The following MCF2L2 variants were observed in gnomAD, a reference collection of about 807,000 sequenced individuals.
MCF2L2 encodes MCF.2 cell line derived transforming sequence-like 2.
MCF2L2 carries 102 observed loss-of-function variants against 150.2 expected under a neutral mutation model. The observed-to-expected ratio is 0.68, with a 90% CI of 0.58 to 0.80. The LOEUF is 0.80. Ranked by LOEUF, MCF2L2 falls within the 30% of genes least tolerant of loss-of-function variation. The pLI is 0.00. For synonymous variants in MCF2L2, 465 were observed against 491.3 expected, an observed-to-expected ratio of 0.95 and a Z score of 0.71; for missense variants, 1,256 against 1,372.8, an observed-to-expected ratio of 0.91 and a Z score of 1.34.
chr3:183,360,963 G>GAA (rs1340713811), intron 3 of MCF2L2, among the ~76,000 whole-genome samples: 1 of 37,686 alleles, frequency 2.7e-5, no homozygotes, highest in African/African-American at 2.0e-4. Flanking sequence ...ACTCAGAAAA[G>GAA]AAAAGAAAAG....
chr3:183,423,333 T>C (rs16857448), intron 1 of MCF2L2, among the ~76,000 whole-genome samples: 23,045 of 152,164 alleles, frequency 0.15, 2,652 homozygotes, highest in African/African-American at 0.33. Flanking sequence ...GTTATCAATG[T>C]TGACTGTGTC....
At chr3:183,298,799 C>T (rs1045514884) in intron 11 of MCF2L2, 3 of 113,998 alleles carry the variant, frequency 2.6e-5, no homozygotes, top group African/African-American at 1.1e-4. Flanking sequence ...ACACACCAGG[C>T]TTATAATCTC....
At chr3:183,365,700 A>C (rs1473680528) in intron 3 of MCF2L2, among the ~76,000 whole-genome samples, 1 of 152,204 alleles carries the variant, frequency 6.6e-6, no homozygotes, top group African/African-American at 2.4e-5. Context: ...AGATTTAGGA[A>C]AGCTTTCTAA....
chr3:183,339,714 T>C (rs923390436), intron 4 of MCF2L2, among the ~76,000 whole-genome samples: 6 of 152,218 alleles, frequency 3.9e-5, no homozygotes, highest in African/African-American at 1.2e-4. Context: ...GAAACTGCCA[T>C]GGCTTTCCAT....
intron 6 of MCF2L2, among the ~76,000 whole-genome samples, chr3:183,320,733 AT>A (rs1477185661): frequency 6.6e-5 from 10 of 152,164 alleles, no homozygotes; most frequent in African/African-American, 1.2e-4. Context: ...CTGGAGTAGC[AT>A]TTTTAGTTTC....
intron 7 of MCF2L2, among the ~76,000 whole-genome samples, chr3:183,315,326 C>T (rs1366123658): frequency 3.9e-5 from 6 of 152,054 alleles, no homozygotes; most frequent in Non-Finnish European, 8.8e-5. Context: ...TATTCTTAAT[C>T]GAGGTAAACA....
chr3:183,192,851 T>C (rs979205944), intron 27 of MCF2L2, 148 bp downstream of exon 27: 1 of 589,526 alleles, frequency 1.7e-6, no homozygotes, highest in Non-Finnish European at 3.0e-6. Context: ...AAATTGATTT[T>C]AAACCACATG....
chr3:183,374,318 T>C (rs1260070584), intron 3 of MCF2L2: 2 of 152,244 alleles, frequency 1.3e-5, no homozygotes, highest in African/African-American at 2.4e-5. Flanking sequence ...ACTGGGATGC[T>C]CTGTAATTCC....
chr3:183,412,544 C>T (rs976140371), intron 1 of MCF2L2, among the ~76,000 whole-genome samples: 1 of 152,076 alleles, frequency 6.6e-6, no homozygotes, highest in Non-Finnish European at 1.5e-5. Context: ...AGTGATCCAC[C>T]CACCTCGGCC....
chr3:183,294,190 G>A (rs2108487425), intron 13 of MCF2L2, among the ~76,000 whole-genome samples: 1 of 152,262 alleles, frequency 6.6e-6, no homozygotes, highest in Middle Eastern at 3.4e-3. Context: ...TGGTAATCAG[G>A]ACCATGTGGG....
At chr3:183,192,309 T>C (rs1721925739) in intron 27 of MCF2L2, among the ~76,000 whole-genome samples, 1 of 152,050 alleles carries the variant, frequency 6.6e-6, no homozygotes, top group Admixed American at 6.6e-5. Context: ...CGGCTGATTT[T>C]TGTATTTTTA....
Position 183,283,268 on chromosome 3 carries a change from C to A in MCF2L2, c.1776+5852G>T, listed in dbSNP as rs560298083. Among the ~76,000 whole-genome samples, 38 of 152,286 alleles carry A rather than the reference C, an allele frequency of 2.5e-4. No individual in the cohort carries two copies. The highest frequency in any genetic ancestry group is 8.9e-4 in the African/African-American group (37 of 41,546). On this transcript the variant is annotated intron_variant, in intron 14 of 29. Coordinates refer to ENST00000328913, the MANE Select transcript of MCF2L2 (RefSeq NM_015078.4). This position sits in a 1 kb window ranked among gnomAD's most constrained non-coding sequence, Gnocchi z 4.2. ...CTCAGCTGACTGTGACAACTGCCAG[C>A]GGCTGGTCAGCCTGCCTGCCTTCAT...
chr3:183,299,906 G>T (rs2108496898), intron 11 of MCF2L2, 99 bp downstream of exon 11: 1 of 1,292,746 alleles, frequency 7.7e-7, no homozygotes, highest in Non-Finnish European at 1.1e-6. Context: ...AAGCACTCAA[G>T]CCTCTCAGCA....
At chr3:183,279,266 C>T (rs576983262) in intron 14 of MCF2L2, among the ~76,000 whole-genome samples, 21 of 150,088 alleles carry the variant, frequency 1.4e-4, no homozygotes, top group Admixed American at 9.9e-4. Context: ...TTTTTTGAGA[C>T]GAAAGGTGAA....
At chr3:183,389,292 AC>A (rs1171567595) in intron 2 of MCF2L2, among the ~76,000 whole-genome samples, 1 of 152,188 alleles carries the variant, frequency 6.6e-6, no homozygotes, top group African/African-American at 2.4e-5. Context: ...CTCCCAGAGA[AC>A]AAACAACCTC....
intron 22 of MCF2L2, among the ~76,000 whole-genome samples, chr3:183,212,325 T>A (rs1423334259): frequency 6.6e-6 from 1 of 152,210 alleles, no homozygotes; most frequent in South Asian, 2.1e-4. Flanking sequence ...TACTTCCAAC[T>A]GTTTTCCACC....
intron 11 of MCF2L2, 43 bp downstream of exon 11, chr3:183,299,962 G>T (rs1054002977): frequency 1.9e-6 from 3 of 1,586,966 alleles, no homozygotes; most frequent in Middle Eastern, 1.7e-4. Flanking sequence ...CTTCTTCACA[G>T]AAAATCTTGC....
rs201535680 is a variant in MCF2L2 at position 183,341,548 on chromosome 3, G to A, written c.358C>T (p.Arg120Ter). 62 of 1,608,746 alleles carry A rather than the reference G, an allele frequency of 3.9e-5. No homozygotes were observed. The highest frequency in any genetic ancestry group is 6.7e-5 in the African/African-American group (5 of 74,790). Reference protein sequence around the residue: ...KWSSVKASLTRIAVAFPGNLQ... With the variant: ...KWSSVKASLT ...CAAAAATAAATATTTACAGCTATTC[G>A]TGTCAAGGATGCCTTTACGGAGCTC... is the stretch of plus-strand genomic sequence containing the variant. Residue 120 changes from arginine (R) to a stop codon, truncating the protein, a stop_gained, in exon 4 of 30, where the codon CGA (arginine) becomes TGA (stop). Coordinates refer to ENST00000328913, the MANE Select transcript of MCF2L2 (RefSeq NM_015078.4). LOFTEE classifies it high-confidence loss of function.
chr3:183,275,663 C>G (rs1395851583), intron 15 of MCF2L2, among the ~76,000 whole-genome samples: 1 of 152,182 alleles, frequency 6.6e-6, no homozygotes, highest in Non-Finnish European at 1.5e-5. Flanking sequence ...GGCTGCAGTG[C>G]AGCTGTGTGA....
Sources: gnomAD v4.1 joint callset for allele counts (sites outside exome capture counted in the v4.1 genomes callset) on GRCh38, gnomAD v4.1.1 for gene constraint, Gnocchi (gnomAD v3.1) non-coding constraint, MANE v1.5 for transcripts, NCBI Gene and HGNC (gene_info 2026-07-23, HGNC 2026-07-21) for gene names.